GAB1: variants seen among roughly 807,000 people sequenced by gnomAD.
The protein encoded by GAB1 is GRB2-associated-binding protein 1.
A neutral mutation model predicts 66.5 loss-of-function variants in GAB1; 19 were observed. The observed-to-expected ratio is 0.29, with a 90% CI of 0.20 to 0.42. The LOEUF is 0.42. Among genes scored for constraint, GAB1 ranks in the 10% least tolerant of loss-of-function variants. The pLI is 1.00. For missense variants in GAB1, 732 were observed against 858.5 expected (o/e 0.85, Z 1.84); for synonymous variants, 294 against 301.4 (o/e 0.98, Z 0.25).
chr4:143,396,096 G>A, intron 1 of GAB1: 1 of 414,784 alleles, frequency 2.4e-6, no homozygotes, highest in Non-Finnish European at 4.9e-6. Flanking sequence ...AAAGGTAGTT[G>A]GTGAGGTGAA....
At chr4:143,430,344 CATT>C (rs371473210) in intron 2 of GAB1, among the ~76,000 whole-genome samples, 2 of 152,272 alleles carry the variant, frequency 1.3e-5, no homozygotes, top group Middle Eastern at 3.4e-3. Flanking sequence ...TATACTCAGA[CATT>C]AGAATTTTAG....
intron 1 of GAB1, chr4:143,349,130 T>G (rs1192979510): frequency 5.0e-6 from 2 of 401,228 alleles, no homozygotes; most frequent in African/African-American, 2.1e-5. Flanking sequence ...GTGACTTTTG[T>G]GAGCCCCAGG....
At chr4:143,341,268 G>A (rs1012776465) in intron 1 of GAB1, among the ~76,000 whole-genome samples, 1 of 151,824 alleles carries the variant, frequency 6.6e-6, no homozygotes, top group Non-Finnish European at 1.5e-5. Context: ...CAGAAAACAA[G>A]TAAAGTCTTG....
intron 1 of GAB1, among the ~76,000 whole-genome samples, chr4:143,363,092 G>A (rs1171720529): frequency 6.6e-6 from 1 of 152,196 alleles, no homozygotes; most frequent in African/African-American, 2.4e-5. Flanking sequence ...ATATGGCAGT[G>A]CTGAAATTCA....
chr4:143,349,212 T>C, intron 1 of GAB1: 1 of 583,610 alleles, frequency 1.7e-6, no homozygotes, highest in Non-Finnish European at 2.9e-6. Flanking sequence ...TATATTATTT[T>C]TCATTTTTTA....
At position 143,440,240 on chromosome 4, in the gene GAB1, T is replaced by C. The variant is rs1455587601; in HGVS notation, c.1443T>C (p.Asp481=). Residue 481 remains aspartate, a synonymous_variant, in exon 6 of 10, where the codon GAT becomes GAC. Transcript: ENST00000262994. ...NYVPMTPGTF[D]FSSFGMQVPP... The stretch of plus-strand genomic sequence containing the variant: ...TGCCAATGACTCCAGGAACATTTGA[T>C]TTTTCCTCATTTGGAATGCAAGTTC... 10 of 1,614,034 alleles carry C rather than the reference T, an allele frequency of 6.2e-6. No homozygotes were observed. Among genetic ancestry groups the C allele is most frequent in the Non-Finnish European group, 8.5e-6 (10 of 1,180,024 alleles).
At chr4:143,438,692 C>A in intron 4 of GAB1, 92 bp downstream of exon 4, 1 of 1,337,294 alleles carries the variant, frequency 7.5e-7, no homozygotes, top group Non-Finnish European at 1.0e-6. Flanking sequence ...GTTAAATATA[C>A]TATGCTACAA....
At chr4:143,464,332 G>A (rs763036661) in intron 8 of GAB1, among the ~76,000 whole-genome samples, 6 of 152,030 alleles carry the variant, frequency 3.9e-5, no homozygotes, top group Admixed American at 6.5e-5. Flanking sequence ...GGGTTCAAGC[G>A]ATTATCCTGC....
intron 6 of GAB1, among the ~76,000 whole-genome samples, chr4:143,449,475 T>G (rs1172466751): frequency 2.0e-5 from 3 of 152,016 alleles, no homozygotes; most frequent in Non-Finnish European, 2.9e-5. Flanking sequence ...TGGGTGCTCC[T>G]GTATTGGGTG....
At chr4:143,468,450 TG>T (rs1006317009) in intron 9 of GAB1, among the ~76,000 whole-genome samples, 8 of 151,538 alleles carry the variant, frequency 5.3e-5, no homozygotes, top group African/African-American at 1.9e-4. Context: ...CCTGACCTCG[TG>T]ATCCACCCAT....
At position 143,365,168 on chromosome 4, in the gene GAB1, C is replaced by T. The variant is rs557586979; in HGVS notation, c.72+27908C>T. ...CTGAGATTACAGGCGTGAGCCATCG[C>T]GCCCGGCCCTGCATCTACTTTTTAG... On this transcript the variant is annotated intron_variant, in intron 1 of 9. Transcript: ENST00000262994. Among the ~76,000 whole-genome samples, 262 of 151,982 alleles carry T rather than the reference C, an allele frequency of 1.7e-3. 1 individual carries two copies. The highest frequency in any genetic ancestry group is 6.1e-3 in the African/African-American group (253 of 41,464).
intron 2 of GAB1, among the ~76,000 whole-genome samples, chr4:143,416,727 T>C (rs1346796586): frequency 1.3e-5 from 2 of 152,096 alleles, no homozygotes; most frequent in East Asian, 3.9e-4. Context: ...TGAGCCACAA[T>C]TGCACCATTC....
At chr4:143,385,476 T>G (rs1333749729) in intron 1 of GAB1, among the ~76,000 whole-genome samples, 1 of 152,190 alleles carries the variant, frequency 6.6e-6, no homozygotes, top group Non-Finnish European at 1.5e-5. Flanking sequence ...TTTCCTCCTC[T>G]CAGAAGAGCT....
Position 143,440,194 on chromosome 4 carries a change from C to A in GAB1, c.1397C>A (p.Pro466Gln). The A allele has an allele frequency of 6.2e-7, 1 of 1,614,080 alleles. No homozygotes were observed. The highest frequency in any genetic ancestry group is 8.5e-7 in the Non-Finnish European group (1 of 1,179,990). The change falls in exon 6 of 10, where the codon CCA (proline) becomes CAA (glutamine). Residue 466 changes from proline (P) to glutamine (Q), a missense_variant. Around this residue, in one of 4 missense-constraint regions of GAB1, gnomAD observed 427 missense variants for 420.6 expected, o/e 1.02. Coordinates refer to ENST00000262994, the MANE Select transcript of GAB1 (RefSeq NM_002039.4). ...CAACATTCCAGCAGTTTTACAGAAC[C>A]AATTCAGGAAGCAAATTATGTGCCA... ...PRQHSSSFTE[P>Q]IQEANYVPMT... is the part of the protein sequence containing the mutation.
intron 1 of GAB1, among the ~76,000 whole-genome samples, chr4:143,339,283 G>T (rs1256596881): frequency 6.6e-6 from 1 of 152,194 alleles, no homozygotes; most frequent in African/African-American, 2.4e-5. Flanking sequence ...TTGGGAGGCC[G>T]AGGCCAGTGG....
At chr4:143,356,895 C>T (rs1729467476) in intron 1 of GAB1, among the ~76,000 whole-genome samples, 1 of 152,148 alleles carries the variant, frequency 6.6e-6, no homozygotes, top group Non-Finnish European at 1.5e-5. Flanking sequence ...ATTTAGAATA[C>T]TTTCCATACC....
chr4:143,399,714 G>T lies in GAB1; in HGVS notation c.73-15763G>T, dbSNP rs905317829. ...ATAAGGGCACTCAAAGTGATTTTTA[G>T]CAGTCTTATTTTTACATTTAAAATA... On this transcript the variant is annotated intron_variant, in intron 1 of 9. Transcript: ENST00000262994. 5.9e-5 allele frequency among the ~76,000 whole-genome samples: 9 copies of T among 152,182 alleles called. No homozygotes were observed. The South Asian group carries it at 1.9e-3, about 32-fold the overall frequency.
intron 1 of GAB1, among the ~76,000 whole-genome samples, chr4:143,338,314 C>T (rs1193976268): frequency 6.6e-6 from 1 of 152,156 alleles, no homozygotes; most frequent in East Asian, 1.9e-4. Context: ...AAAATTTATG[C>T]CCCCTTAAAT....
At position 143,407,103 on chromosome 4, in the gene GAB1, A is replaced by G. The variant is rs548105799; in HGVS notation, c.73-8374A>G. ...TTTTCAGGGTTCTTAACGTGTTAAC[A>G]GGGGTCCTGTGAAACCTTGAAACTA... On this transcript the variant is annotated intron_variant, in intron 1 of 9. Coordinates refer to ENST00000262994, the MANE Select transcript of GAB1 (RefSeq NM_002039.4). 2.3e-3 allele frequency among the ~76,000 whole-genome samples: 349 copies of G among 152,304 alleles called. 3 individuals are homozygous for G. The highest frequency in any genetic ancestry group is 4.2e-3 in the Non-Finnish European group (288 of 68,016).
Sources: gnomAD v4.1 joint callset for allele counts (sites outside exome capture counted in the v4.1 genomes callset) on GRCh38, gnomAD v4.1.1 for gene constraint, gnomAD v4.1.1 regional missense constraint, MANE v1.5 for transcripts, NCBI Gene and HGNC (gene_info 2026-07-23, HGNC 2026-07-21) for gene names.